The following MTRR variants were observed in gnomAD, a reference collection of about 807,000 sequenced individuals.
MTRR encodes the protein methionine synthase reductase.
In MTRR, 63 loss-of-function variants were observed where a neutral mutation model predicts 79.2. The observed-to-expected ratio is 0.80, with a 90% CI of 0.65 to 0.98. MTRR has a LOEUF of 0.98. Among genes scored for constraint, MTRR ranks in the 50% least tolerant of loss-of-function variants. The pLI is 0.00. For missense variants in MTRR, 895 were observed against 839.6 expected (o/e 1.07, Z -0.82); for synonymous variants, 355 against 313.3 (o/e 1.13, Z -1.41).
intron 11 of MTRR, among the ~76,000 whole-genome samples, chr5:7,894,383 AAGC>A (rs539826192): frequency 1.0e-3 from 156 of 152,314 alleles, no homozygotes; most frequent in Middle Eastern, 3.4e-3. Flanking sequence ...TGCCACATCT[AAGC>A]AGGAGCACTA....
intron 2 of MTRR, among the ~76,000 whole-genome samples, chr5:7,872,552 C>T (rs1237993252): frequency 2.0e-5 from 3 of 152,170 alleles, no homozygotes; most frequent in Non-Finnish European, 2.9e-5. Flanking sequence ...AGGGAATGAG[C>T]GGTTCTTGAT....
chr5:7,891,627 C>T (rs896779803), intron 10 of MTRR, among the ~76,000 whole-genome samples: 15 of 152,148 alleles, frequency 9.9e-5, no homozygotes. Context: ...TCCCATGGCC[C>T]AGTACTATGT....
In MTRR at chr5:7,899,939, G is replaced by A. The variant is rs972091702; in HGVS notation, c.1978G>A (p.Val660Ile). Residue 660 changes from valine to isoleucine, a missense_variant, in exon 15 of 15, where the codon GTA becomes ATA. Transcript: ENST00000440940. ...AGATGCAAAGAATATGGCCAAGGAT[G>A]TACATGATGCCCTTGTGCAAATAAT... ...CGDAKNMAKD[V>I]HDALVQIISK... is the part of the protein sequence containing the mutation. The A allele has an allele frequency of 2.5e-6, 4 of 1,614,168 alleles. No individual in the cohort carries two copies. The highest frequency in any genetic ancestry group is 3.4e-6 in the Non-Finnish European group (4 of 1,180,022).
chr5:7,884,867 C>A (rs190410346), intron 6 of MTRR, among the ~76,000 whole-genome samples: 4 of 152,226 alleles, frequency 2.6e-5, no homozygotes, highest in Admixed American at 2.6e-4. Flanking sequence ...TTTAATCAAA[C>A]TTCCTAACAG....
upstream of MTRR, chr5:7,850,908 G>A: frequency 7.3e-7 from 1 of 1,360,752 alleles, no homozygotes; most frequent in Non-Finnish European, 9.5e-7. Flanking sequence ...TGTGCTCTTT[G>A]GGGTCCAGGC....
intron 12 of MTRR, 153 bp from the exon 13 acceptor site, chr5:7,896,711 G>A: frequency 1.4e-6 from 1 of 697,616 alleles, no homozygotes; most frequent in East Asian, 2.7e-5. Flanking sequence ...ACAGCCTGTG[G>A]AGAGTAAAAT....
intron 5 of MTRR, among the ~76,000 whole-genome samples, chr5:7,881,143 C>G (rs1429353833): frequency 6.6e-6 from 1 of 152,094 alleles, no homozygotes; most frequent in East Asian, 1.9e-4. Context: ...AAGGATTGAT[C>G]CAGTGCCTTT....
At chr5:7,890,431 T>C in intron 9 of MTRR, 1 of 983,922 alleles carries the variant, frequency 1.0e-6, no homozygotes, top group Non-Finnish European at 1.2e-6. Flanking sequence ...TTCTAAGTAG[T>C]ATTAGAAAGT....
intron 7 of MTRR, 135 bp from the exon 8 acceptor site, chr5:7,886,480 T>C: frequency 1.4e-6 from 1 of 729,426 alleles, no homozygotes; most frequent in Non-Finnish European, 2.4e-6. Flanking sequence ...TTTGGCTGAA[T>C]AAACATTGCC....
chr5:7,852,336 G>A (rs1382768242), intron 1 of MTRR, among the ~76,000 whole-genome samples: 1 of 152,078 alleles, frequency 6.6e-6, no homozygotes, highest in Non-Finnish European at 1.5e-5. Flanking sequence ...AGATCCTTCT[G>A]GGCAGGATTT....
At chr5:7,868,017 C>G, upstream of MTRR, 1 of 1,613,828 alleles carries the variant, frequency 6.2e-7, no homozygotes, top group Non-Finnish European at 8.5e-7. Context: ...TTTAAAGCAG[C>G]CAGAGCTCTA....
intron 11 of MTRR, among the ~76,000 whole-genome samples, 178 bp from the exon 12 acceptor site, chr5:7,895,556 A>G (rs1467663014): frequency 2.0e-5 from 3 of 152,156 alleles, no homozygotes; most frequent in East Asian, 1.9e-4. Context: ...TTGCAAGACA[A>G]ACTTCTTTCT....
intron 4 of MTRR, among the ~76,000 whole-genome samples, chr5:7,876,457 A>G (rs576218503): frequency 1.3e-4 from 20 of 152,302 alleles, no homozygotes; most frequent in African/African-American, 2.2e-4. Context: ...CTTCTCTTCA[A>G]AGGCTTTCAT....
chr5:7,872,352 A>C (rs1284710336), intron 2 of MTRR: 3 of 358,202 alleles, frequency 8.4e-6, no homozygotes, highest in Non-Finnish European at 1.1e-5. Context: ...TTTACACGAG[A>C]GTAAGAATAA....
chr5:7,863,237 T>C, intron 2 of MTRR: 2 of 457,978 alleles, frequency 4.4e-6, no homozygotes, highest in Non-Finnish European at 7.7e-6. Flanking sequence ...CTGGTTACCA[T>C]AAACAGAAAG....
At chr5:7,885,950 T>G in intron 7 of MTRR, 96 bp downstream of exon 7, 1 of 1,519,976 alleles carries the variant, frequency 6.6e-7, no homozygotes, top group Non-Finnish European at 9.1e-7. Flanking sequence ...TCCTGTGTGT[T>G]GGCCGCACAG....
chr5:7,895,448 C>T (rs1738343975), intron 11 of MTRR, among the ~76,000 whole-genome samples: 1 of 152,046 alleles, frequency 6.6e-6, no homozygotes, highest in Non-Finnish European at 1.5e-5. Context: ...ATCCATAGAC[C>T]AAGAAACATG....
exon 1 of MTRR, chr5:7,851,249 G>A: frequency 2.4e-6 from 1 of 422,438 alleles, no homozygotes; most frequent in Non-Finnish European, 4.0e-6. Flanking sequence ...GACTACACCT[G>A]GGGTCTCTCC....
intron 5 of MTRR, among the ~76,000 whole-genome samples, chr5:7,881,329 G>A (rs533337489): frequency 9.9e-5 from 15 of 152,034 alleles, no homozygotes; most frequent in African/African-American, 2.9e-4. Flanking sequence ...CGAGTGTGTC[G>A]CAACAACCCC....
Sources: allele counts gnomAD v4.1 joint callset (sites outside exome capture counted in the v4.1 genomes callset), GRCh38; gene constraint gnomAD v4.1.1; transcripts MANE v1.5; gene names NCBI Gene and HGNC (gene_info 2026-07-23, HGNC 2026-07-21).